Variants in NGEF observed in about 807,000 individuals in gnomAD.
NGEF encodes the protein ephexin-1.
In NGEF, 31 loss-of-function variants were observed where a neutral mutation model predicts 80.9. That is an observed-to-expected ratio of 0.38 (90% CI 0.29 to 0.52). NGEF has a LOEUF of 0.52. Ranked by LOEUF, NGEF falls within the 20% of genes least tolerant of loss-of-function variation. The pLI, the probability that NGEF is intolerant of heterozygous loss-of-function variation, is 0.84. For synonymous variants in NGEF, 371 were observed against 370.2 expected, an observed-to-expected ratio of 1.00 and a Z score of -0.03; for missense variants, 709 against 926.2, an observed-to-expected ratio of 0.77 and a Z score of 3.04.
At chr2:232,917,100 C>A (rs1014667517) in intron 5 of NGEF, among the ~76,000 whole-genome samples, 1 of 152,206 alleles carries the variant, frequency 6.6e-6, no homozygotes, top group Non-Finnish European at 1.5e-5. Context: ...ATGATAAAAA[C>A]CAGTGAATTC....
chr2:233,009,697 A>G (rs1192243878), intron 1 of NGEF, among the ~76,000 whole-genome samples: 3 of 152,022 alleles, frequency 2.0e-5, no homozygotes, highest in African/African-American at 4.8e-5. Flanking sequence ...GCTTTGGGAG[A>G]CATGGTGCTG....
chr2:232,997,948 A>G (rs1330935049), intron 1 of NGEF, among the ~76,000 whole-genome samples: 1 of 152,168 alleles, frequency 6.6e-6, no homozygotes, highest in East Asian at 1.9e-4. Context: ...GTCCTCAGCC[A>G]TATTTGGGAA....
intron 3 of NGEF, among the ~76,000 whole-genome samples, chr2:232,940,706 A>G (rs1693419114): frequency 6.6e-6 from 1 of 152,246 alleles, no homozygotes; most frequent in South Asian, 2.1e-4. Flanking sequence ...TATTTTAAAT[A>G]AAAAAGCAGA....
At chr2:232,898,118 G>A (rs1196271155) in intron 5 of NGEF, among the ~76,000 whole-genome samples, 2 of 152,336 alleles carry the variant, frequency 1.3e-5, no homozygotes, top group Non-Finnish European at 2.9e-5. Context: ...TCATTTTCCT[G>A]CTGCTAAATT....
intron 5 of NGEF, among the ~76,000 whole-genome samples, chr2:232,911,892 G>C (rs1031640056): frequency 2.0e-5 from 3 of 152,070 alleles, no homozygotes; most frequent in Non-Finnish European, 4.4e-5. Flanking sequence ...GTTCTAAGAG[G>C]TTTTTTTGGT....
chr2:232,995,940 A>T (rs112056971), intron 1 of NGEF, among the ~76,000 whole-genome samples: 1,644 of 151,816 alleles, frequency 0.011, 13 homozygotes, highest in Non-Finnish European at 0.016. Flanking sequence ...TAAATCCAAA[A>T]GAGGACAAAA....
At chr2:232,900,033 TTCAC>T (rs1362366562) in intron 5 of NGEF, among the ~76,000 whole-genome samples, 20 of 55,596 alleles carry the variant, frequency 3.6e-4, no homozygotes, top group East Asian at 1.4e-3. Flanking sequence ...TTCACTCACA[TTCAC>T]TCACACACAC....
At chr2:232,943,133 G>C (rs1472930796) in intron 3 of NGEF, among the ~76,000 whole-genome samples, 2 of 151,946 alleles carry the variant, frequency 1.3e-5, no homozygotes, top group Non-Finnish European at 2.9e-5. Flanking sequence ...TGGCTAAAAA[G>C]ATAGATGGCC....
intron 3 of NGEF, among the ~76,000 whole-genome samples, chr2:232,962,440 T>G (rs1693971758): frequency 6.6e-6 from 1 of 151,704 alleles, no homozygotes; most frequent in Admixed American, 6.6e-5. Context: ...TCCCAGCTAC[T>G]TGGGAAGCTG....
At chr2:232,937,535 TTC>T (rs1159880934) in intron 3 of NGEF, among the ~76,000 whole-genome samples, 1 of 152,200 alleles carries the variant, frequency 6.6e-6, no homozygotes, top group Non-Finnish European at 1.5e-5. Context: ...TTGCTCTGTC[TTC>T]TGTTAGCACT....
chr2:232,974,841 G>A lies in NGEF; in HGVS notation c.50C>T (p.Ala17Val). 1 of 1,614,114 alleles carries A rather than the reference G, an allele frequency of 6.2e-7. No individual in the cohort carries two copies. The highest frequency in any genetic ancestry group is 8.5e-7 in the Non-Finnish European group (1 of 1,180,000). Residue 17 changes from alanine (A) to valine (V), a missense_variant, in exon 2 of 15, where the codon GCA (alanine) becomes GTA (valine). Physicochemically the swap from Ala to Val is moderately conservative, Grantham distance 64. Transcript: ENST00000264051. ...EDLEKTRRKS[A>V]SDQWNTDNEP... ...ATTATCAGTGTTCCATTGATCACTT[G>A]CTGATTTCCTCCGGGTCTTTTCCAA...
intron 3 of NGEF, among the ~76,000 whole-genome samples, chr2:232,966,694 A>G (rs1161251733): frequency 6.6e-6 from 1 of 152,162 alleles, no homozygotes; most frequent in Non-Finnish European, 1.5e-5. Context: ...TATTTGTGTT[A>G]AAACATTTTT....
intron 5 of NGEF, among the ~76,000 whole-genome samples, chr2:232,895,602 TG>T (rs1692030028): frequency 6.7e-6 from 1 of 149,918 alleles, no homozygotes; most frequent in African/African-American, 2.5e-5. Context: ...ATGCTCTGGG[TG>T]TGCTAGTGGG....
At chr2:232,885,690 G>C (rs1691655094) in intron 9 of NGEF, among the ~76,000 whole-genome samples, 1 of 152,174 alleles carries the variant, frequency 6.6e-6, no homozygotes, top group Non-Finnish European at 1.5e-5. Flanking sequence ...GCTCCGGGCT[G>C]TTCTCCCCAC....
intron 7 of NGEF, among the ~76,000 whole-genome samples, chr2:232,891,858 G>GGACA (rs1691894521): frequency 2.6e-5 from 4 of 152,194 alleles, no homozygotes; most frequent in African/African-American, 9.7e-5. Flanking sequence ...GACACCACCA[G>GGACA]GACAGCCTGC....
intron 1 of NGEF, among the ~76,000 whole-genome samples, chr2:233,004,154 C>A (rs1188938214): frequency 1.3e-5 from 2 of 152,142 alleles, no homozygotes; most frequent in African/African-American, 4.8e-5. Context: ...CCCCTCTGTC[C>A]TTGTACCCAA....
intron 3 of NGEF, among the ~76,000 whole-genome samples, chr2:232,937,678 T>C (rs1282158360): frequency 6.6e-6 from 1 of 152,198 alleles, no homozygotes; most frequent in Non-Finnish European, 1.5e-5. Flanking sequence ...TGAGTTAATA[T>C]AGGGAAGCCA....
intron 1 of NGEF, among the ~76,000 whole-genome samples, chr2:232,989,734 G>T (rs977897940): frequency 6.6e-6 from 1 of 152,166 alleles, no homozygotes; most frequent in African/African-American, 2.4e-5. Flanking sequence ...GTTTCCCAAA[G>T]AATTAGGTAT....
chr2:232,945,418 T>C (rs953319774), intron 3 of NGEF, among the ~76,000 whole-genome samples: 1 of 151,848 alleles, frequency 6.6e-6, no homozygotes, highest in African/African-American at 2.4e-5. Flanking sequence ...TGGATTGGAG[T>C]GGGCTGTAAA....
Sources: allele counts gnomAD v4.1 joint callset (sites outside exome capture counted in the v4.1 genomes callset), GRCh38; gene constraint gnomAD v4.1.1; transcripts MANE v1.5; gene names NCBI Gene and HGNC (gene_info 2026-07-23, HGNC 2026-07-21).